Variants in AGT observed in about 807,000 individuals in gnomAD.
The protein encoded by AGT is alpha-1 antiproteinase, antitrypsin.
Under a neutral mutation model 28.1 loss-of-function variants are expected in AGT, and 26 were observed. The observed-to-expected ratio is 0.92, with a 90% CI of 0.68 to 1.28. AGT has a LOEUF of 1.28. Ranked by LOEUF, AGT falls within the 50% of genes most tolerant of loss-of-function variation. The pLI is 0.00. For missense variants in AGT, 596 were observed against 592.3 expected (o/e 1.01, Z -0.06); for synonymous variants, 259 against 259.6 (o/e 1.00, Z 0.02).
In AGT at chr1:230,710,005, G is replaced by A; in HGVS notation, c.819C>T (p.Val273=). The A allele has an allele frequency of 1.9e-6, 3 of 1,614,176 alleles. No homozygotes were observed. Among genetic ancestry groups the A allele is most frequent in the Non-Finnish European group, 2.5e-6 (3 of 1,180,034 alleles). ...VDSTLAFNTY[V]HFQGKMKGFS... Reference sequence around the variant, plus strand: ...AGAGGTTTGCCTTACCTTGGAAGTGGACGTAGGTGTTGAAAGCCAGGGTGC... The same window carrying A: ...AGAGGTTTGCCTTACCTTGGAAGTGAACGTAGGTGTTGAAAGCCAGGGTGC... Residue 273 remains valine, a synonymous_variant, in exon 2 of 5, where the codon GTC becomes GTT. Transcript: ENST00000366667.
chr1:230,725,363 G>T (rs527384471), intron 1 of AGT, among the ~76,000 whole-genome samples: 3 of 152,264 alleles, frequency 2.0e-5, no homozygotes, highest in African/African-American at 7.2e-5. Flanking sequence ...TAGAGGGAAG[G>T]ACCATGAAAG....
intron 1 of AGT, among the ~76,000 whole-genome samples, chr1:230,725,798 A>T (rs1231974540): frequency 1.3e-5 from 2 of 152,210 alleles, no homozygotes; most frequent in African/African-American, 4.8e-5. Context: ...CCAAGAGGCC[A>T]GTCATGGTAG....
intron 1 of AGT, among the ~76,000 whole-genome samples, chr1:230,735,872 C>A (rs1317280134): frequency 1.3e-5 from 2 of 152,190 alleles, no homozygotes; most frequent in Non-Finnish European, 2.9e-5. Flanking sequence ...TCTTCCTGCC[C>A]ACATCTTTGT....
chr1:230,730,034 G>A (rs1380332264), intron 1 of AGT, among the ~76,000 whole-genome samples: 3 of 152,000 alleles, frequency 2.0e-5, no homozygotes, highest in Admixed American at 6.6e-5. Flanking sequence ...GGTGGTGCAC[G>A]CCTATAGTCC....
chr1:230,728,921 T>C (rs112442602), intron 1 of AGT, among the ~76,000 whole-genome samples: 1 of 152,308 alleles, frequency 6.6e-6, no homozygotes, highest in East Asian at 1.9e-4. Context: ...ATGAAAGCAT[T>C]TGGAGCAGAG....
At chr1:230,714,176 T>C (rs1180363746), upstream of AGT, 1 of 152,210 alleles carries the variant, frequency 6.6e-6, no homozygotes, top group Non-Finnish European at 1.5e-5. Context: ...GATGGAGCTG[T>C]TCCCAGGCTG....
chr1:230,736,713 T>C (rs957354016), intron 1 of AGT, among the ~76,000 whole-genome samples: 1 of 152,126 alleles, frequency 6.6e-6, no homozygotes, highest in African/African-American at 2.4e-5. Flanking sequence ...CATGGTGGTA[T>C]CCTATCTAAT....
chr1:230,740,978 G>A (rs1016964699), intron 1 of AGT, among the ~76,000 whole-genome samples: 50 of 152,182 alleles, frequency 3.3e-4, no homozygotes, highest in African/African-American at 1.1e-3. Flanking sequence ...CTAAACTGCG[G>A]AGAGTAAATT....
At chr1:230,739,621 C>T (rs913214733) in intron 1 of AGT, among the ~76,000 whole-genome samples, 1 of 152,100 alleles carries the variant, frequency 6.6e-6, no homozygotes, top group Non-Finnish European at 1.5e-5. Context: ...GCATTGCCCC[C>T]GATAGGAAAA....
chr1:230,726,265 T>C (rs1571984414), intron 1 of AGT, among the ~76,000 whole-genome samples: 1 of 152,194 alleles, frequency 6.6e-6, no homozygotes, highest in South Asian at 2.1e-4. Context: ...ATAGACAGTG[T>C]TATTTTCCCC....
chr1:230,735,820 A>G lies in AGT; in HGVS notation c.-31+9695T>C, dbSNP rs111475927. ...CCTCAGAGCTGTAGATTCTAGGGGTACCCTGCTGCTTCCAGCCCCCCAACT... is the reference window on the plus strand; with the variant it reads ...CCTCAGAGCTGTAGATTCTAGGGGTGCCCTGCTGCTTCCAGCCCCCCAACT... On this transcript the variant is annotated intron_variant, in intron 1 of 4. Coordinates refer to the AGT transcript ENST00000681269. Among the ~76,000 whole-genome samples, 243 of 152,238 alleles carry G rather than the reference A, an allele frequency of 1.6e-3. 3 individuals are homozygous for G. Among genetic ancestry groups the G allele is most frequent in the African/African-American group, 5.7e-3 (237 of 41,542 alleles).
upstream of AGT, among the ~76,000 whole-genome samples, chr1:230,718,594 TA>T (rs56906111): frequency 8.7e-4 from 129 of 147,902 alleles, no homozygotes; most frequent in African/African-American, 7.6e-4. Flanking sequence ...ATATTCACTT[TA>T]AAAAAAAAAA....
At chr1:230,745,497 C>G (rs1474955668) in intron 1 of AGT, among the ~76,000 whole-genome samples, 2 of 152,332 alleles carry the variant, frequency 1.3e-5, no homozygotes, top group Middle Eastern at 3.4e-3. Flanking sequence ...TTATAAACAA[C>G]AGAAATGTGT....
Position 230,727,926 on chromosome 1 carries a change from G to A in AGT, c.-30-17073C>T, listed in dbSNP as rs562118102. 3.4e-4 allele frequency among the ~76,000 whole-genome samples: 52 copies of A among 152,306 alleles called. 1 individual carries two copies. Among genetic ancestry groups the A allele is most frequent in the African/African-American group, 1.2e-3 (51 of 41,564 alleles). On this transcript the variant is annotated intron_variant, in intron 1 of 4. Transcript: ENST00000681269. ...ATAGAGAAAGAGTTTTATACACATAGAGCCACCTGAACAGGACACCAGAGT... is the reference window on the plus strand; with the variant it reads ...ATAGAGAAAGAGTTTTATACACATAAAGCCACCTGAACAGGACACCAGAGT...
chr1:230,702,897 T>G lies in AGT; in HGVS notation c.*244A>C. Reference sequence around the variant, plus strand: ...GCCTCCCCACCCCCATTCTCTAAAATAAACCCAGCAAACTGGGAGGTGCAT... The same window carrying G: ...GCCTCCCCACCCCCATTCTCTAAAAGAAACCCAGCAAACTGGGAGGTGCAT... On this transcript the variant is annotated 3_prime_UTR_variant, in exon 5 of 5. Coordinates refer to ENST00000366667, the MANE Select transcript of AGT (RefSeq NM_001384479.1). The G allele has an allele frequency of 1.8e-6, 1 of 553,218 alleles. No individual in the cohort carries two copies. The highest frequency in any genetic ancestry group is 3.2e-6 in the Non-Finnish European group (1 of 309,952). 34.3% of individuals were successfully genotyped at this position (553,218 alleles called of 1,614,324 possible). A position where few individuals can be genotyped will look rare whatever the true frequency, so the allele number is the denominator to read the frequency against.
At chr1:230,719,136 T>C (rs1407808874), upstream of AGT, among the ~76,000 whole-genome samples, 2 of 152,322 alleles carry the variant, frequency 1.3e-5, no homozygotes, top group African/African-American at 4.8e-5. Flanking sequence ...ATCCTGGCTA[T>C]TGTGAATAAT....
intron 1 of AGT, among the ~76,000 whole-genome samples, chr1:230,729,240 C>T (rs1041360484): frequency 1.8e-4 from 28 of 152,152 alleles, no homozygotes; most frequent in South Asian, 2.1e-4. Context: ...AGCCTGTTGG[C>T]GCCAAACAGC....
At chr1:230,708,007 G>C (rs1663444928) in intron 2 of AGT, among the ~76,000 whole-genome samples, 1 of 152,136 alleles carries the variant, frequency 6.6e-6, no homozygotes, top group Admixed American at 6.5e-5. Flanking sequence ...TGCCTGCTGA[G>C]GTCATGTAAA....
chr1:230,717,913 TAAAAC>T (rs1049888983), upstream of AGT, among the ~76,000 whole-genome samples: 11 of 152,218 alleles, frequency 7.2e-5, no homozygotes, highest in Admixed American at 5.9e-4. Flanking sequence ...TCCTGACAAA[TAAAAC>T]AAAATAGTCT....
Sources: allele counts gnomAD v4.1 joint callset (sites outside exome capture counted in the v4.1 genomes callset), GRCh38; gene constraint gnomAD v4.1.1; transcripts MANE v1.5; gene names NCBI Gene and HGNC (gene_info 2026-07-23, HGNC 2026-07-21).